The following PCDHAC1 variants were observed in gnomAD, a reference collection of about 807,000 sequenced individuals.
PCDHAC1 encodes the protein protocadherin alpha subfamily C, 1.
A neutral mutation model predicts 60.0 loss-of-function variants in PCDHAC1; 42 were observed. That is an observed-to-expected ratio of 0.70 (90% CI 0.55 to 0.90). PCDHAC1 has a LOEUF of 0.90. PCDHAC1 is among the 40% of genes least tolerant of loss of function. The pLI is 0.00. For synonymous variants in PCDHAC1, 468 were observed against 499.3 expected (o/e 0.94, Z 0.84); for missense variants, 1,160 against 1,222.3 (o/e 0.95, Z 0.76).
rs199928168 is a variant in PCDHAC1, at chr5:141,009,915, C to T, written c.2870C>T (p.Thr957Met). The part of the protein sequence containing the change: ...TQEKKEKGNS[T>M]TDNSDQ The stretch of plus-strand genomic sequence containing the variant: ...GAGAAAAAAGAGAAAGGGAACAGCA[C>T]GACTGACAACAGTGACCAGTGAGGT... The change falls in exon 4 of 4, where the codon ACG becomes ATG. Residue 957 changes from threonine to methionine, a missense_variant. Physicochemically the swap from Thr to Met is moderately conservative, Grantham distance 81. This residue lies in a region of PCDHAC1 where 1,113 missense variants were observed against 1,163.7 expected (regional missense o/e 0.96). Coordinates refer to ENST00000253807, the MANE Select transcript of PCDHAC1 (RefSeq NM_018898.5). The T allele has an allele frequency of 9.0e-4, 1,448 of 1,611,544 alleles. 2 individuals carry two copies. Among genetic ancestry groups the T allele is most frequent in the Admixed American group, 3.7e-3 (222 of 59,324 alleles).
In PCDHAC1 at chr5:140,926,892, G is replaced by A. The variant is rs781956892; in HGVS notation, c.-1G>A. ...GTGGAACGTGGACGCCTAGAGGGAG[G>A]ATGGTGGGCTGTGGGGTGGCAGTTT... On this transcript the variant is annotated 5_prime_UTR_variant, in exon 1 of 4. Transcript: ENST00000253807. The A allele has an allele frequency of 6.5e-6, 10 of 1,546,640 alleles. No homozygotes were observed. Among genetic ancestry groups the A allele is most frequent in the African/African-American group, 2.7e-5 (2 of 73,030 alleles).
chr5:140,944,853 C>T (rs1230548858), intron 1 of PCDHAC1, among the ~76,000 whole-genome samples: 1 of 152,118 alleles, frequency 6.6e-6, no homozygotes, highest in East Asian at 1.9e-4. Context: ...TTAGAATCAT[C>T]CTTATTTATC....
intron 1 of PCDHAC1, among the ~76,000 whole-genome samples, chr5:140,974,062 G>T (rs1014435483): frequency 2.0e-5 from 3 of 152,222 alleles, no homozygotes; most frequent in Non-Finnish European, 4.4e-5. Context: ...ATTTGGAGCA[G>T]TATAATCTAT....
At chr5:141,008,809 C>T (rs1397377778) in intron 3 of PCDHAC1, among the ~76,000 whole-genome samples, 2 of 152,160 alleles carry the variant, frequency 1.3e-5, no homozygotes, top group African/African-American at 4.8e-5. Flanking sequence ...CAAATAGGCT[C>T]AATTTACAAC....
intron 3 of PCDHAC1, among the ~76,000 whole-genome samples, chr5:140,984,755 A>G (rs1554246508): frequency 6.6e-6 from 1 of 152,172 alleles, no homozygotes; most frequent in Admixed American, 6.5e-5. Flanking sequence ...TTTGAGTTGA[A>G]TTCTAATCCC....
At chr5:140,986,862 G>A (rs1441287999) in intron 3 of PCDHAC1, among the ~76,000 whole-genome samples, 2 of 152,068 alleles carry the variant, frequency 1.3e-5, no homozygotes, top group East Asian at 1.9e-4. Flanking sequence ...AACAATACCC[G>A]GAAACTTGTT....
At chr5:140,980,716 G>T (rs1246125435) in intron 2 of PCDHAC1, among the ~76,000 whole-genome samples, 1 of 151,830 alleles carries the variant, frequency 6.6e-6, no homozygotes, top group Non-Finnish European at 1.5e-5. Context: ...TCCTATTCGG[G>T]TTTCAATTAA....
At chr5:141,001,455 G>T (rs2098019131) in intron 3 of PCDHAC1, among the ~76,000 whole-genome samples, 1 of 152,210 alleles carries the variant, frequency 6.6e-6, no homozygotes, top group Non-Finnish European at 1.5e-5. Flanking sequence ...ACTGTCAATT[G>T]AAGGACTAAG....
intron 3 of PCDHAC1, among the ~76,000 whole-genome samples, chr5:140,991,523 T>A (rs73268060): frequency 0.032 from 4,843 of 152,294 alleles, 263 homozygotes; most frequent in African/African-American, 0.11. Flanking sequence ...CAAGGTGTGT[T>A]CTTGCCACTA....
chr5:140,961,639 G>A (rs2095626284), intron 1 of PCDHAC1, among the ~76,000 whole-genome samples: 1 of 152,144 alleles, frequency 6.6e-6, no homozygotes, highest in East Asian at 1.9e-4. Flanking sequence ...ACAATCTTAA[G>A]TCTATGTGGT....
chr5:140,947,188 T>C (rs2153678869), intron 1 of PCDHAC1, among the ~76,000 whole-genome samples: 1 of 151,448 alleles, frequency 6.6e-6, no homozygotes, highest in South Asian at 2.1e-4. Context: ...CATGGTATAC[T>C]ACACAGCCTT....
chr5:140,944,451 T>C (rs6878788), intron 1 of PCDHAC1, among the ~76,000 whole-genome samples: 8,488 of 152,228 alleles, frequency 0.056, 701 homozygotes, highest in African/African-American at 0.18. Flanking sequence ...CCTCCCAAAG[T>C]GCTGGGATTA....
intron 1 of PCDHAC1, among the ~76,000 whole-genome samples, chr5:140,961,681 G>A (rs911141843): frequency 3.9e-5 from 6 of 152,152 alleles, no homozygotes; most frequent in African/African-American, 9.7e-5. Context: ...TAATTAAGCC[G>A]GAGTAGTCCT....
At chr5:140,956,650 GATGCTGGCCTTA>G (rs2095299191) in intron 1 of PCDHAC1, among the ~76,000 whole-genome samples, 1 of 152,154 alleles carries the variant, frequency 6.6e-6, no homozygotes, top group Non-Finnish European at 1.5e-5. Context: ...GTATCAGGAT[GATGCTGGCCTTA>G]AAGGAGTTAG....
At chr5:140,937,736 C>T (rs778178538) in intron 1 of PCDHAC1, among the ~76,000 whole-genome samples, 84 of 151,896 alleles carry the variant, frequency 5.5e-4, no homozygotes, top group Non-Finnish European at 1.1e-3. Context: ...CACGGTGAAA[C>T]CCCGTCTCTA....
chr5:140,995,679 T>C (rs2153934903), intron 3 of PCDHAC1, among the ~76,000 whole-genome samples: 1 of 152,322 alleles, frequency 6.6e-6, no homozygotes, highest in Non-Finnish European at 1.5e-5. Context: ...GCAGCATTTT[T>C]TTTAATTGTT....
chr5:140,957,257 T>C (rs2095345219), intron 1 of PCDHAC1, among the ~76,000 whole-genome samples: 1 of 152,184 alleles, frequency 6.6e-6, no homozygotes, highest in Admixed American at 6.5e-5. Context: ...AATTTAAATA[T>C]GTAAGCACTA....
At chr5:141,007,688 C>A (rs1554261446) in intron 3 of PCDHAC1, among the ~76,000 whole-genome samples, 1 of 152,170 alleles carries the variant, frequency 6.6e-6, no homozygotes, top group Admixed American at 6.5e-5. Flanking sequence ...ATCCTACTTC[C>A]ACCTCCCTCC....
In PCDHAC1 at chr5:140,926,544, C is replaced by G. The variant is rs9765406; in HGVS notation, c.-349C>G. On this transcript the variant is annotated 5_prime_UTR_variant, in exon 1 of 4. Transcript: ENST00000253807. ...CTGCGCCCGCAGCCAGCGTGGTGGTCGAGACCCCAGCCCGCTGCTACTGGA... is the reference window on the plus strand; with the variant it reads ...CTGCGCCCGCAGCCAGCGTGGTGGTGGAGACCCCAGCCCGCTGCTACTGGA... 0.16 allele frequency: 35,740 copies of G among 221,378 alleles called. 3,305 individuals carry two copies. The highest frequency in any genetic ancestry group is 0.26 in the African/African-American group (11,568 of 43,928). The allele number at this position is 221,378 out of a possible 1,614,324, so 13.7% of individuals were successfully genotyped here. A position where few individuals can be genotyped will look rare whatever the true frequency, so the allele number is the denominator to read the frequency against.
Sources: gnomAD v4.1 joint callset for allele counts (sites outside exome capture counted in the v4.1 genomes callset) on GRCh38, gnomAD v4.1.1 for gene constraint, gnomAD v4.1.1 regional missense constraint, MANE v1.5 for transcripts, NCBI Gene and HGNC (gene_info 2026-07-23, HGNC 2026-07-21) for gene names.